CEP41: variants seen among roughly 807,000 people sequenced by gnomAD.
The protein encoded by CEP41 is centrosomal protein of 41 kDa.
CEP41 carries 32 observed loss-of-function variants against 44.3 expected under a neutral mutation model. The ratio of observed to expected loss-of-function variants is 0.72; its 90% CI spans 0.54 to 0.97. The LOEUF is 0.97. Among genes scored for constraint, CEP41 ranks in the 50% least tolerant of loss-of-function variants. The probability of loss-of-function intolerance (pLI) is 0.00; values close to 1 mark genes in which losing one functional copy is unlikely to be tolerated. For missense variants in CEP41, 432 were observed against 455.2 expected (o/e 0.95, Z 0.46); for synonymous variants, 151 against 168.5 (o/e 0.90, Z 0.80).
Position 130,395,271 on chromosome 7 carries a change from G to C in CEP41, c.*3620C>G. On this transcript the variant is annotated 3_prime_UTR_variant, in exon 11 of 11. Transcript: ENST00000223208. The stretch of plus-strand genomic sequence containing the variant: ...CTTTTGCATGAAAAAATAATTGTTA[G>C]TGAAAAATTAATGGACCTGCATGTA... The C allele has an allele frequency of 2.2e-6, 1 of 453,194 alleles. No homozygotes were observed. Among genetic ancestry groups the C allele is most frequent in the Non-Finnish European group, 4.4e-6 (1 of 226,254 alleles). 28.1% of individuals were successfully genotyped at this position (453,194 alleles called of 1,614,324 possible). A position where few individuals can be genotyped will look rare whatever the true frequency, so the allele number is the denominator to read the frequency against.
intron 1 of CEP41, among the ~76,000 whole-genome samples, chr7:130,434,723 T>G (rs555282149): frequency 6.6e-6 from 1 of 152,296 alleles, no homozygotes; most frequent in South Asian, 2.1e-4. Context: ...TTTGTAAAAT[T>G]TTTAAGCTCA....
Position 130,426,645 on chromosome 7 carries a change from C to A in CEP41, c.97+1310G>T, listed in dbSNP as rs527694436. 9 of 456,100 alleles carry A rather than the reference C, an allele frequency of 2.0e-5. No homozygotes were observed. The East Asian group carries it at 6.3e-4, about 32-fold the overall frequency. 28.3% of individuals were successfully genotyped at this position (456,100 alleles called of 1,614,324 possible). On this transcript the variant is annotated intron_variant, in intron 2 of 10. Transcript: ENST00000223208. ...GGTGCTTACCTCACAGAATCACTTA[C>A]TTCAGAAGGGTGGATCACAGTTGCA...
chr7:130,426,037 TC>T (rs782299184), intron 2 of CEP41, among the ~76,000 whole-genome samples: 20 of 152,192 alleles, frequency 1.3e-4, no homozygotes, highest in Non-Finnish European at 2.6e-4. Flanking sequence ...ACATAAGGAA[TC>T]CGTGTGGTGA....
intron 10 of CEP41, 164 bp from the exon 11 acceptor site, chr7:130,399,203 T>C: frequency 1.3e-6 from 1 of 791,320 alleles, no homozygotes; most frequent in South Asian, 1.6e-5. Context: ...CTCCTCATCC[T>C]TGAGATCAGC....
At chr7:130,434,115 C>T (rs977542050) in intron 1 of CEP41, among the ~76,000 whole-genome samples, 1 of 152,184 alleles carries the variant, frequency 6.6e-6, no homozygotes, top group Non-Finnish European at 1.5e-5. Context: ...AGCAAAGCCA[C>T]TTTAAAAGCA....
Position 130,402,761 on chromosome 7 carries a change from C to T in CEP41, c.461G>A (p.Gly154Glu). 1 of 1,614,124 alleles carries T rather than the reference C, an allele frequency of 6.2e-7. No individual in the cohort carries two copies. The highest frequency in any genetic ancestry group is 8.5e-7 in the Non-Finnish European group (1 of 1,180,004). ...SGVGELDLDK[G>E]PVKKAEPHTK... ...ATGGGGCTCTGCTTTCTTCACTGGC[C>T]CTTTGTCTAGATCCAGTTCCCCAAC... Residue 154 changes from glycine (G) to glutamate (E), a missense_variant, in exon 7 of 11, where the codon GGG becomes GAG. By Grantham distance (98) the Gly-to-Glu change is moderately conservative (BLOSUM62 -2). Coordinates refer to ENST00000223208, the MANE Select transcript of CEP41 (RefSeq NM_018718.3).
intron 2 of CEP41, among the ~76,000 whole-genome samples, chr7:130,418,191 G>C (rs891779444): frequency 1.3e-5 from 2 of 152,144 alleles, no homozygotes; most frequent in Admixed American, 1.3e-4. Context: ...GAAGTTCCAA[G>C]AGAAATGAAG....
intron 2 of CEP41, among the ~76,000 whole-genome samples, chr7:130,422,644 A>T (rs1554422448): frequency 6.6e-6 from 1 of 152,190 alleles, no homozygotes; most frequent in African/African-American, 2.4e-5. Flanking sequence ...CCCTAAACTG[A>T]CTTTAGAATA....
intron 6 of CEP41, among the ~76,000 whole-genome samples, chr7:130,403,065 G>A (rs1239830555): frequency 1.3e-5 from 2 of 152,182 alleles, no homozygotes; most frequent in African/African-American, 4.8e-5. Flanking sequence ...TTACATGGCT[G>A]AGGGGGTAGG....
intron 5 of CEP41, chr7:130,410,889 CACATCTAAA>C (rs2117603394): frequency 1.7e-6 from 1 of 588,724 alleles, no homozygotes; most frequent in South Asian, 2.0e-5. Flanking sequence ...GTATATTAAA[CACATCTAAA>C]ACATTTAAAA....
chr7:130,412,927 G>A (rs1562985194), intron 3 of CEP41, among the ~76,000 whole-genome samples: 2 of 152,156 alleles, frequency 1.3e-5, no homozygotes, highest in South Asian at 2.1e-4. Flanking sequence ...AATACTTAAT[G>A]CCACTGACCT....
chr7:130,419,372 T>G, intron 2 of CEP41: 1 of 985,412 alleles, frequency 1.0e-6, no homozygotes, highest in Non-Finnish European at 1.2e-6. Context: ...TGAGAAAGTA[T>G]GAAAAGTAGC....
In CEP41 at chr7:130,398,897, C is replaced by T. The variant is rs1451295403; in HGVS notation, c.1116G>A (p.Trp372Ter). ...LSSGHLQGKP[W>*]K The stretch of plus-strand genomic sequence containing the variant: ...CCTAAGTGAGACAAAGTCTTTACTT[C>T]CAGGGTTTGCCTTGCAGGTGACCAC... Residue 372 changes from tryptophan to a stop codon, truncating the protein, a stop_gained, in exon 11 of 11, where the codon TGG (tryptophan) becomes TGA (stop). Transcript: ENST00000223208. LOFTEE classifies it high-confidence loss of function. 1 of 1,614,214 alleles carries T rather than the reference C, an allele frequency of 6.2e-7. No homozygotes were observed. Among genetic ancestry groups the T allele is most frequent in the East Asian group, 2.2e-5 (1 of 44,890 alleles).
chr7:130,420,041 G>A (rs1435854182), intron 2 of CEP41: 1 of 985,260 alleles, frequency 1.0e-6, no homozygotes, highest in African/African-American at 1.7e-5. Context: ...CTGAATGATG[G>A]TCAGGTGCAC....
chr7:130,401,742 G>A (rs1223181445), intron 8 of CEP41, 139 bp downstream of exon 8: 4 of 632,470 alleles, frequency 6.3e-6, no homozygotes, highest in Non-Finnish European at 8.8e-6. Context: ...CAATAGCTAG[G>A]AATCCAAATT....
rs1454491857 is a variant in CEP41, at chr7:130,394,977, CAA to C, written c.*3912_*3913del. ...GGTGAGAATTTGCTTCTGTACAGAA[CAA>C]AGAGGATCAGCAACAGAGAGGGGAG... On this transcript the variant is annotated 3_prime_UTR_variant, in exon 11 of 11. Coordinates refer to ENST00000223208, the MANE Select transcript of CEP41 (RefSeq NM_018718.3). 16 of 454,072 alleles carry C rather than the reference CAA, an allele frequency of 3.5e-5. No individual in the cohort carries two copies. The highest frequency in any genetic ancestry group is 3.0e-4 in the African/African-American group (15 of 50,110). The allele number at this position is 454,072 out of a possible 1,614,324, so 28.1% of individuals were successfully genotyped here.
chr7:130,407,862 C>T (rs1554418557), intron 5 of CEP41, among the ~76,000 whole-genome samples: 1 of 151,636 alleles, frequency 6.6e-6, no homozygotes. Context: ...AAAACCAACA[C>T]AAAAAAATTA....
Position 130,416,912 on chromosome 7 carries a change from TA to T in CEP41, c.145+6del, listed in dbSNP as rs782483563. The T allele has an allele frequency of 2.0e-5, 32 of 1,580,796 alleles. No individual in the cohort carries two copies. In the Admixed American group the frequency reaches 4.3e-4, roughly 21 times the overall value. On this transcript the variant is annotated splice_donor_region_variant and intron_variant, in intron 3 of 10. Coordinates refer to ENST00000223208, the MANE Select transcript of CEP41 (RefSeq NM_018718.3). ...CACTCTCCCAAACCATCAAGAGTGTTACTTACTTTTCTTAATCTCTTCGAGC... is the reference window on the plus strand; with the variant it reads ...CACTCTCCCAAACCATCAAGAGTGTTCTTACTTTTCTTAATCTCTTCGAGC...
intron 4 of CEP41, 99 bp downstream of exon 4, chr7:130,412,080 A>C: frequency 1.3e-6 from 1 of 784,306 alleles, no homozygotes; most frequent in Non-Finnish European, 2.3e-6. Flanking sequence ...GAATCAGAAG[A>C]AACTCCTCTG....
Sources: allele counts gnomAD v4.1 joint callset (sites outside exome capture counted in the v4.1 genomes callset), GRCh38; gene constraint gnomAD v4.1.1; transcripts MANE v1.5; gene names NCBI Gene and HGNC (gene_info 2026-07-23, HGNC 2026-07-21).